The following ANXA8 variants were observed in gnomAD, a reference collection of about 807,000 sequenced individuals.
ANXA8 encodes the protein VAC-beta.
A neutral mutation model predicts 26.8 loss-of-function variants in ANXA8; 9 were observed. The observed-to-expected ratio is 0.34, with a 90% CI of 0.20 to 0.59. The LOEUF is 0.59. Ranked by LOEUF, ANXA8 falls within the 20% of genes least tolerant of loss-of-function variation. ANXA8 has a pLI of 0.84. For missense variants in ANXA8, 83 were observed against 238.5 expected (o/e 0.35, Z 4.29); for synonymous variants, 39 against 94.8 (o/e 0.41, Z 3.42).
the ANXA8 span, among the ~76,000 whole-genome samples, chr10:47,982,700 A>G: frequency 2.3e-3 from 333 of 147,644 alleles, 6 homozygotes; most frequent in Non-Finnish European, 6.0e-4. Flanking sequence ...ACAAAAAAAA[A>G]TAAGCGGGGC....
the ANXA8 span, chr10:47,491,639 G>C: frequency 1.9e-6 from 3 of 1,539,578 alleles, no homozygotes; most frequent in Non-Finnish European, 2.6e-6. Flanking sequence ...GGTGGGCCAG[G>C]CCCTCGGCAG....
the ANXA8 span, among the ~76,000 whole-genome samples, chr10:47,627,650 A>G: frequency 6.7e-6 from 1 of 150,130 alleles, no homozygotes; most frequent in South Asian, 2.1e-4. Flanking sequence ...CTAGTACTTA[A>G]CTTTCTTCTG....
At chr10:47,976,756 G>C in the ANXA8 span, among the ~76,000 whole-genome samples, 1 of 147,796 alleles carries the variant, frequency 6.8e-6, no homozygotes, top group South Asian at 2.2e-4. Flanking sequence ...ACATGGTTTG[G>C]AGCTTAGTCT....
the ANXA8 span, among the ~76,000 whole-genome samples, chr10:47,656,108 C>T: frequency 4.1e-4 from 62 of 150,638 alleles, no homozygotes; most frequent in African/African-American, 1.4e-3. Flanking sequence ...TTTTTAAAAA[C>T]GTTTTAGGCT....
At chr10:47,646,130 GTCTCTA>G in the ANXA8 span, among the ~76,000 whole-genome samples, 1 of 148,396 alleles carries the variant, frequency 6.7e-6, no homozygotes, top group South Asian at 2.1e-4. Flanking sequence ...TATCTCATCT[GTCTCTA>G]TCTCTATCTC....
At chr10:47,622,438 T>C in the ANXA8 span, among the ~76,000 whole-genome samples, 1 of 101,784 alleles carries the variant, frequency 9.8e-6, no homozygotes, top group Non-Finnish European at 2.1e-5. Context: ...CTGAGTATTT[T>C]AATTTTATAC....
chr10:47,697,384 G>A, the ANXA8 span, among the ~76,000 whole-genome samples: 17 of 151,876 alleles, frequency 1.1e-4, no homozygotes, highest in Admixed American at 6.6e-4. Context: ...ATATTAGAGG[G>A]AGAAATAATA....
chr10:47,504,846 CTTTTTTTTTTTTTTTTTTT>C, the ANXA8 span, among the ~76,000 whole-genome samples: 1 of 46,850 alleles, frequency 2.1e-5, no homozygotes, highest in Admixed American at 2.4e-4. Flanking sequence ...CATAACTGTT[CTTTTTTTTTTTTTTTTTTT>C]TTTTTTTTGA....
the ANXA8 span, among the ~76,000 whole-genome samples, chr10:47,689,397 C>T: frequency 1.3e-5 from 2 of 151,830 alleles, no homozygotes; most frequent in African/African-American, 4.8e-5. Flanking sequence ...AGGATGGTCT[C>T]GATCTCCTGA....
At chr10:47,609,270 A>C in the ANXA8 span, among the ~76,000 whole-genome samples, 5 of 148,022 alleles carry the variant, frequency 3.4e-5, no homozygotes, top group African/African-American at 1.3e-4. Context: ...AGGAGATGTC[A>C]TTTAAGCTGA....
chr10:47,649,716 A>T, the ANXA8 span, among the ~76,000 whole-genome samples: 1 of 148,094 alleles, frequency 6.8e-6, no homozygotes, highest in South Asian at 2.1e-4. Context: ...CCTTAAAATT[A>T]AAAAAATTTT....
chr10:47,727,142 G>A, the ANXA8 span, among the ~76,000 whole-genome samples: 1 of 152,308 alleles, frequency 6.6e-6, no homozygotes, highest in African/African-American at 2.4e-5. Context: ...ACACCTGTTA[G>A]TACATGAACA....
the ANXA8 span, among the ~76,000 whole-genome samples, chr10:47,648,385 C>T: frequency 1.3e-5 from 2 of 150,676 alleles, no homozygotes; most frequent in Non-Finnish European, 2.9e-5. Context: ...AATTTTTAAT[C>T]TGTATTGATT....
At chr10:47,768,396 T>C in the ANXA8 span, among the ~76,000 whole-genome samples, 2 of 151,446 alleles carry the variant, frequency 1.3e-5, no homozygotes, top group Non-Finnish European at 2.9e-5. Flanking sequence ...ATGTGTCGGT[T>C]AAGACATGAA....
chr10:47,745,931 C>CAAGG, the ANXA8 span, among the ~76,000 whole-genome samples: 29 of 150,888 alleles, frequency 1.9e-4, no homozygotes, highest in African/African-American at 6.8e-4. Context: ...TATGCATCTG[C>CAAGG]ACAATGCAGC....
At chr10:47,690,520 A>G in the ANXA8 span, 1 of 849,952 alleles carries the variant, frequency 1.2e-6, no homozygotes, top group Non-Finnish European at 1.8e-6. Flanking sequence ...GAATGTAAAC[A>G]TGGAGACTGA....
chr10:47,617,981 T>C, the ANXA8 span, among the ~76,000 whole-genome samples: 1 of 116,020 alleles, frequency 8.6e-6, no homozygotes, highest in Non-Finnish European at 1.9e-5. Flanking sequence ...TTGTATTAAA[T>C]GGCATTTTGA....
the ANXA8 span, chr10:47,706,644 T>G: frequency 1.1e-6 from 1 of 949,480 alleles, no homozygotes; most frequent in Non-Finnish European, 1.6e-6. Context: ...TTTTTTGGAA[T>G]CTTCTGCTAA....
At chr10:47,944,803 A>G in the ANXA8 span, among the ~76,000 whole-genome samples, 985 of 149,238 alleles carry the variant, frequency 6.6e-3, 11 homozygotes, top group Non-Finnish European at 8.2e-3. Context: ...AGTCTTGGAT[A>G]TGTCTTTATT....
Sources: gnomAD v4.1 joint callset for allele counts (sites outside exome capture counted in the v4.1 genomes callset) on GRCh38, gnomAD v4.1.1 for gene constraint, MANE v1.5 for transcripts, NCBI Gene and HGNC (gene_info 2026-07-23, HGNC 2026-07-21) for gene names.